Variants in TTF2 observed in about 807,000 individuals in gnomAD.
The protein encoded by TTF2 is transcription termination factor 2.
In TTF2, 108 loss-of-function variants were observed where a neutral mutation model predicts 142.4. The observed-to-expected ratio is 0.76, with a 90% confidence interval of 0.65 to 0.89. TTF2 has a LOEUF of 0.89. TTF2 is among the 40% of genes least tolerant of loss of function. TTF2 has a pLI of 0.00. For missense variants in TTF2, 1,327 were observed against 1,379.8 expected, an observed-to-expected ratio of 0.96 and a Z score of 0.61; for synonymous variants, 483 against 506.2, an observed-to-expected ratio of 0.95 and a Z score of 0.61.
rs1231599702 is a variant in TTF2, at chr1:117,085,596, T to C, written c.2055-821T>C. Among the ~76,000 whole-genome samples the C allele has an allele frequency of 6.6e-6, 1 of 152,192 alleles. No individual in the cohort carries two copies. The highest frequency in any genetic ancestry group is 2.4e-5 in the African/African-American group (1 of 41,438). The stretch of plus-strand genomic sequence containing the variant: ...TGCTGAGTATGCTAATTATAAGTGA[T>C]AATTTTTCCCTTTTAATATAAACTT... On this transcript the variant is annotated intron_variant, in intron 11 of 22. Coordinates refer to ENST00000369466, the MANE Select transcript of TTF2 (RefSeq NM_003594.4). This position sits in a 1 kb window ranked among gnomAD's most constrained non-coding sequence, Gnocchi z 4.7.
chr1:117,092,009 C>A lies in TTF2; in HGVS notation c.2805+59C>A. ...GCTCCAGAGGGGCCACCTGAGAAGT[C>A]AATTTCACTCTCCTCCAACTGGAAT... is the stretch of plus-strand genomic sequence containing the variant. On this transcript the variant is annotated intron_variant, in intron 17 of 22. Transcript: ENST00000369466. The surrounding 1 kb of genome is among the most constrained non-coding windows in gnomAD (Gnocchi z 4.4). 2 of 1,499,900 alleles carry A rather than the reference C, an allele frequency of 1.3e-6. No individual in the cohort carries two copies. Among genetic ancestry groups the A allele is most frequent in the South Asian group, 1.3e-5 (1 of 79,856 alleles). The allele number at this position is 1,499,900 out of a possible 1,614,324, so 92.9% of individuals were successfully genotyped here. A position where few individuals can be genotyped will look rare whatever the true frequency, so the allele number is the denominator to read the frequency against.
rs1655759638 is a variant in TTF2 at position 117,062,439 on chromosome 1, G to C, written c.184G>C (p.Gly62Arg). ...TGAGGACTTTGTGGTAGAGCTTCAG[G>C]GTTTGCTTCTGCCACAGGACAAGAA... ...LHEDFVVELQ[G>R]LLLPQDKKEY... The change falls in exon 3 of 23, where the codon GGT becomes CGT. Residue 62 changes from glycine to arginine, a missense_variant. Coordinates refer to ENST00000369466, the MANE Select transcript of TTF2 (RefSeq NM_003594.4). The C allele has an allele frequency of 6.2e-7, 1 of 1,612,578 alleles. No individual in the cohort carries two copies. Among genetic ancestry groups the C allele is most frequent in the African/African-American group, 1.3e-5 (1 of 74,568 alleles).
chr1:117,078,519 A>C (rs1647207935), intron 8 of TTF2, among the ~76,000 whole-genome samples: 1 of 152,252 alleles, frequency 6.6e-6, no homozygotes, highest in Non-Finnish European at 1.5e-5. Context: ...TTTAGATAGC[A>C]GAGAGGAAAG....
rs1228754798 is a variant in TTF2 at position 117,090,665 on chromosome 1, A to T, written c.2588+42A>T. The T allele has an allele frequency of 6.5e-7, 1 of 1,534,730 alleles. No individual in the cohort carries two copies. The highest frequency in any genetic ancestry group is 9.0e-7 in the Non-Finnish European group (1 of 1,115,904). On this transcript the variant is annotated intron_variant, in intron 15 of 22. Coordinates refer to ENST00000369466, the MANE Select transcript of TTF2 (RefSeq NM_003594.4). This position sits in a 1 kb window ranked among gnomAD's most constrained non-coding sequence, Gnocchi z 4.8. ...AGCACCTTCTCACACACATTGTTTT[A>T]TTCCTGTCTTTTCTTGGGAGTGAGT...
chr1:117,070,085 T>A lies in TTF2; in HGVS notation c.219-3576T>A, dbSNP rs2101359658. 6.6e-6 allele frequency among the ~76,000 whole-genome samples: 1 copy of A among 152,368 alleles called. No individual in the cohort carries two copies. The highest frequency in any genetic ancestry group is 1.5e-5 in the Non-Finnish European group (1 of 68,034). ...TCAGAAAAGCTCATCCAGATTGATT[T>A]TAATTAAAAATGTAAGGGAAAGCAT... is the stretch of plus-strand genomic sequence containing the variant. On this transcript the variant is annotated intron_variant, in intron 3 of 22. Transcript: ENST00000369466. The surrounding 1 kb of genome is among the most constrained non-coding windows in gnomAD (Gnocchi z 4.2).
Position 117,093,848 on chromosome 1 carries a change from A to G in TTF2, c.2976+947A>G, listed in dbSNP as rs1192894410. ...CAAGTTTTCTTAACATATGTCCATTAATAGTTCAAACCACATACGGTTGTT... is the reference window on the plus strand; with the variant it reads ...CAAGTTTTCTTAACATATGTCCATTGATAGTTCAAACCACATACGGTTGTT... On this transcript the variant is annotated intron_variant, in intron 18 of 22. Transcript: ENST00000369466. This position sits in a 1 kb window ranked among gnomAD's most constrained non-coding sequence, Gnocchi z 4.5. 6.6e-6 allele frequency among the ~76,000 whole-genome samples: 1 copy of G among 152,242 alleles called. No homozygotes were observed. Among genetic ancestry groups the G allele is most frequent in the Non-Finnish European group, 1.5e-5 (1 of 68,040 alleles).
intron 3 of TTF2, among the ~76,000 whole-genome samples, chr1:117,072,685 A>C (rs1264703666): frequency 6.6e-6 from 1 of 152,092 alleles, no homozygotes; most frequent in Non-Finnish European, 1.5e-5. Flanking sequence ...AGCCTCCCGA[A>C]GTGCTGGGAT....
In TTF2 at chr1:117,092,185, A is replaced by C. The variant is rs1168680287; in HGVS notation, c.2805+235A>C. The stretch of plus-strand genomic sequence containing the variant: ...CAAGAATAGTGTATTTCTATTGTTT[A>C]TTTTGTTTTAGATTAACTGTTTAAG... On this transcript the variant is annotated intron_variant, in intron 17 of 22. Coordinates refer to ENST00000369466, the MANE Select transcript of TTF2 (RefSeq NM_003594.4). This position sits in a 1 kb window ranked among gnomAD's most constrained non-coding sequence, Gnocchi z 4.4. Among the ~76,000 whole-genome samples the C allele has an allele frequency of 6.6e-6, 1 of 152,046 alleles. No homozygotes were observed. Among genetic ancestry groups the C allele is most frequent in the African/African-American group, 2.4e-5 (1 of 41,388 alleles).
chr1:117,090,434 G>T lies in TTF2; in HGVS notation c.2497-98G>T. On this transcript the variant is annotated intron_variant, in intron 14 of 22. Transcript: ENST00000369466. This position sits in a 1 kb window ranked among gnomAD's most constrained non-coding sequence, Gnocchi z 4.8. The stretch of plus-strand genomic sequence containing the variant: ...AAGAAAGGGTGGAAGCTGCATTCCA[G>T]GGTTGACTAGATATGCAGTGTCAGT... 8.0e-7 allele frequency: 1 copy of T among 1,243,458 alleles called. No homozygotes were observed. Among genetic ancestry groups the T allele is most frequent in the Non-Finnish European group, 1.2e-6 (1 of 869,506 alleles). 77.0% of individuals were successfully genotyped at this position (1,243,458 alleles called of 1,614,324 possible). A position where few individuals can be genotyped will look rare whatever the true frequency, so the allele number is the denominator to read the frequency against.
At position 117,096,133 on chromosome 1, in the gene TTF2, T is replaced by C. The variant is rs758153110; in HGVS notation, c.3036-16T>C. 7.0e-5 allele frequency: 113 copies of C among 1,613,730 alleles called. 1 individual carries two copies. The South Asian group carries it at 1.2e-3, about 17-fold the overall frequency. On this transcript the variant is annotated splice_polypyrimidine_tract_variant and intron_variant, in intron 19 of 22. Coordinates refer to ENST00000369466, the MANE Select transcript of TTF2 (RefSeq NM_003594.4). The stretch of plus-strand genomic sequence containing the variant: ...ATCTATGTTAGGGTATTTTTTTATT[T>C]TATTCTTCTTTCCAGTGTCATTGTC...
chr1:117,074,773 CT>C (rs1436066489), intron 4 of TTF2, 96 bp from the exon 5 acceptor site: 18 of 1,160,114 alleles, frequency 1.6e-5, no homozygotes, highest in South Asian at 5.2e-5. Context: ...TATGTACCCC[CT>C]GTATATAAAA....
In TTF2 at chr1:117,063,121, G is replaced by A. The variant is rs1655816866; in HGVS notation, c.218+648G>A. Among the ~76,000 whole-genome samples the A allele has an allele frequency of 6.6e-6, 1 of 152,054 alleles. No homozygotes were observed. Among genetic ancestry groups the A allele is most frequent in the African/African-American group, 2.4e-5 (1 of 41,402 alleles). On this transcript the variant is annotated intron_variant, in intron 3 of 22. Transcript: ENST00000369466. This position sits in a 1 kb window ranked among gnomAD's most constrained non-coding sequence, Gnocchi z 4.1. ...AGGTAGGGGTCAGGATGTGATAGAT[G>A]GTCTTTGTGTGATATTCTATGCACT...
chr1:117,091,273 AG>A (rs1226033734), intron 15 of TTF2, 54 bp from the exon 16 acceptor site: 1 of 1,467,450 alleles, frequency 6.8e-7, no homozygotes, highest in Non-Finnish European at 9.3e-7. Context: ...GGCACAGTTA[AG>A]CAGGTCTTAG....
rs769106655 is a variant in TTF2 at position 117,096,163 on chromosome 1, A to G, written c.3050A>G (p.Gln1017Arg). 11 of 1,614,012 alleles carry G rather than the reference A, an allele frequency of 6.8e-6. No individual in the cohort carries two copies. Among genetic ancestry groups the G allele is most frequent in the Non-Finnish European group, 9.3e-6 (11 of 1,179,980 alleles). Reference sequence around the variant, plus strand: ...CTTCTTTCCAGTGTCATTGTCTCTCAGTGGACCAACATGCTGAAAGTTGTA... The same window carrying G: ...CTTCTTTCCAGTGTCATTGTCTCTCGGTGGACCAACATGCTGAAAGTTGTA... ...SASQKSVIVS[Q>R]WTNMLKVVAL... The change falls in exon 20 of 23, where the codon CAG (glutamine) becomes CGG (arginine). Residue 1017 changes from glutamine to arginine, a missense_variant. Coordinates refer to ENST00000369466, the MANE Select transcript of TTF2 (RefSeq NM_003594.4).
chr1:117,084,920 G>A (rs569032439), intron 11 of TTF2, among the ~76,000 whole-genome samples: 1 of 152,282 alleles, frequency 6.6e-6, no homozygotes, highest in African/African-American at 2.4e-5. Flanking sequence ...TCAGGAGTAA[G>A]TTGTTAGATT....
chr1:117,084,120 TAA>T lies in TTF2; in HGVS notation c.2007_2008del (p.Arg670SerfsTer20). The T allele has an allele frequency of 6.2e-7, 1 of 1,614,132 alleles. No individual in the cohort carries two copies. Among genetic ancestry groups the T allele is most frequent in the African/African-American group, 1.3e-5 (1 of 75,012 alleles). On this transcript the variant is annotated frameshift_variant, in exon 11 of 23. Transcript: ENST00000369466. LOFTEE classifies it high-confidence loss of function. ...GAGAAACGGGTGAACAGCAACAAAC[TAA>T]GAGTCTATCTCTACCATGGGCCAAA...
Position 117,076,326 on chromosome 1 carries a change from T to G in TTF2, c.1390+32T>G, listed in dbSNP as rs957265303. Reference sequence around the variant, plus strand: ...TGGCTTATGCCTCAGAACTCCGGGTTTGCATCGACTTTACAAGAGACATTC... The same window carrying G: ...TGGCTTATGCCTCAGAACTCCGGGTGTGCATCGACTTTACAAGAGACATTC... On this transcript the variant is annotated intron_variant, in intron 6 of 22. Transcript: ENST00000369466. This position sits in a 1 kb window ranked among gnomAD's most constrained non-coding sequence, Gnocchi z 4.6. 1 of 1,546,996 alleles carries G rather than the reference T, an allele frequency of 6.5e-7. No individual in the cohort carries two copies. The highest frequency in any genetic ancestry group is 8.9e-7 in the Non-Finnish European group (1 of 1,125,530).
At chr1:117,077,337 G>T (rs914270473) in intron 7 of TTF2, among the ~76,000 whole-genome samples, 6 of 152,188 alleles carry the variant, frequency 3.9e-5, no homozygotes, top group Non-Finnish European at 8.8e-5. Flanking sequence ...TTCTGTGAGG[G>T]CACAGACTGT....
chr1:117,088,302 C>T (rs1648210748), intron 12 of TTF2, among the ~76,000 whole-genome samples: 1 of 152,148 alleles, frequency 6.6e-6, no homozygotes, highest in South Asian at 2.1e-4. Context: ...CTTTGGAAGG[C>T]CGAGGCGGGT....
Sources: allele counts gnomAD v4.1 joint callset (sites outside exome capture counted in the v4.1 genomes callset), GRCh38; gene constraint gnomAD v4.1.1; non-coding constraint Gnocchi (gnomAD v3.1); transcripts MANE v1.5; gene names NCBI Gene and HGNC (gene_info 2026-07-23, HGNC 2026-07-21).